Variants in UPF2 observed in about 807,000 individuals in gnomAD.
UPF2 encodes the protein UPF2 regulator of nonsense mediated mRNA decay.
A neutral mutation model predicts 141.4 loss-of-function variants in UPF2; 17 were observed. That is an observed-to-expected ratio of 0.12 (90% CI 0.08 to 0.18). The LOEUF is 0.18. UPF2 is among the 10% of genes least tolerant of loss of function. The pLI, the probability that UPF2 is intolerant of heterozygous loss-of-function variation, is 1.00. For missense variants in UPF2, 1,152 were observed against 1,515.9 expected, an observed-to-expected ratio of 0.76 and a Z score of 3.99; for synonymous variants, 540 against 498.0, an observed-to-expected ratio of 1.08 and a Z score of -1.12.
Position 11,940,206 on chromosome 10 carries a change from G to C in UPF2, c.3378+2459C>G, listed in dbSNP as rs538182389. On this transcript the variant is annotated intron_variant, in intron 18 of 21. Transcript: ENST00000357604. The surrounding 1 kb of genome is among the most constrained non-coding windows in gnomAD (Gnocchi z 4.2). Reference sequence around the variant, plus strand: ...AATGTGAATTCGAACTTCCCTCCTCGATTACATCTTCCCATCCTTCCAGCT... The same window carrying C: ...AATGTGAATTCGAACTTCCCTCCTCCATTACATCTTCCCATCCTTCCAGCT... Among the ~76,000 whole-genome samples the C allele has an allele frequency of 6.6e-6, 1 of 152,110 alleles. No homozygotes were observed.
In UPF2 at chr10:11,964,099, G is replaced by A. The variant is rs1199636349; in HGVS notation, c.2094C>T (p.His698=). The A allele has an allele frequency of 6.2e-7, 1 of 1,613,344 alleles. No homozygotes were observed. Among genetic ancestry groups the A allele is most frequent in the Non-Finnish European group, 8.5e-7 (1 of 1,179,700 alleles). The change falls in exon 11 of 22, where the codon CAC becomes CAT. Residue 698 remains histidine, a synonymous_variant. Transcript: ENST00000357604. ...GCAGGGTGCATGCCATTTCAATATG[G>A]TGATGAGAGAAGTCTGACAGAAGCA... is the stretch of plus-strand genomic sequence containing the variant. ...LKMLLSDFSH[H]HIEMACTLLE...
chr10:11,926,700 A>G (rs1264525534), intron 21 of UPF2, among the ~76,000 whole-genome samples: 1 of 104,146 alleles, frequency 9.6e-6, no homozygotes, highest in African/African-American at 3.3e-5. Flanking sequence ...AGGTGACAGG[A>G]GTCAATAATG....
In UPF2 at chr10:11,959,628, C is replaced by T. The variant is rs1003301811; in HGVS notation, c.2185-272G>A. Among the ~76,000 whole-genome samples, 1 of 151,976 alleles carries T rather than the reference C, an allele frequency of 6.6e-6. No individual in the cohort carries two copies. The highest frequency in any genetic ancestry group is 2.4e-5 in the African/African-American group (1 of 41,378). Reference sequence around the variant, plus strand: ...TACAAAAATTAGCCAGGTGTGGTGGCGCACACCTGTAGTCCCAGCTACTTG... The same window carrying T: ...TACAAAAATTAGCCAGGTGTGGTGGTGCACACCTGTAGTCCCAGCTACTTG... On this transcript the variant is annotated intron_variant, in intron 11 of 21. Coordinates refer to ENST00000357604, the MANE Select transcript of UPF2 (RefSeq NM_015542.4). This position sits in a 1 kb window ranked among gnomAD's most constrained non-coding sequence, Gnocchi z 5.9.
rs531318486 is a variant in UPF2, at chr10:11,928,197, G to A, written c.3809+1668C>T. ...CTAAAAACACAAAAATTATCCAGGCGTGCTGGGTGGGCACCTGTAATACCA... is the reference window on the plus strand; with the variant it reads ...CTAAAAACACAAAAATTATCCAGGCATGCTGGGTGGGCACCTGTAATACCA... On this transcript the variant is annotated intron_variant, in intron 21 of 21. Coordinates refer to ENST00000357604, the MANE Select transcript of UPF2 (RefSeq NM_015542.4). Among the ~76,000 whole-genome samples, 46 of 152,110 alleles carry A rather than the reference G, an allele frequency of 3.0e-4. No homozygotes were observed. In the East Asian group the frequency reaches 7.4e-3, roughly 24 times the overall value.
At chr10:11,976,488 T>C (rs963924594) in intron 9 of UPF2, among the ~76,000 whole-genome samples, 4 of 152,188 alleles carry the variant, frequency 2.6e-5, no homozygotes, top group Admixed American at 6.5e-5. Context: ...TAAATTTACA[T>C]GGGAAATACA....
At position 11,948,496 on chromosome 10, in the gene UPF2, T is replaced by A. The variant is rs1414052921; in HGVS notation, c.3047A>T (p.Asp1016Val). 1.9e-6 allele frequency: 3 copies of A among 1,612,500 alleles called. No homozygotes were observed. Among genetic ancestry groups the A allele is most frequent in the Non-Finnish European group, 2.5e-6 (3 of 1,179,908 alleles). ...EFLIKLGLVN[D>V]KDSKDSMTEG... ...TGTCATAGAATCTTTTGAGTCTTTG[T>A]CATTTACTAGGCCTTGAAATGAGAA... The change falls in exon 16 of 22, where the codon GAC (aspartate) becomes GTC (valine). Residue 1016 changes from aspartate (D) to valine (V), a missense_variant. Physicochemically the swap from Asp to Val is radical, Grantham distance 152 (BLOSUM62 -3). Transcript: ENST00000357604.
At chr10:12,010,549 A>G (rs1319308907) in intron 4 of UPF2, among the ~76,000 whole-genome samples, 1 of 152,230 alleles carries the variant, frequency 6.6e-6, no homozygotes, top group East Asian at 1.9e-4. Flanking sequence ...AAGGCAGGAA[A>G]AAATAACGAA....
intron 8 of UPF2, among the ~76,000 whole-genome samples, chr10:11,981,887 T>C (rs879344620): frequency 2.6e-5 from 4 of 152,334 alleles, no homozygotes; most frequent in Non-Finnish European, 4.4e-5. Context: ...GGTTTCCCCA[T>C]ATTGGCCAGG....
chr10:12,021,649 A>C (rs1834319839), intron 3 of UPF2, among the ~76,000 whole-genome samples: 1 of 152,264 alleles, frequency 6.6e-6, no homozygotes. Flanking sequence ...ATCATTAGCC[A>C]AATTAAAAAG....
chr10:11,970,798 T>C (rs544921263), intron 9 of UPF2, among the ~76,000 whole-genome samples: 3 of 151,750 alleles, frequency 2.0e-5, no homozygotes, highest in African/African-American at 7.3e-5. Context: ...GGCGACAGAG[T>C]GAGACTCTAA....
At chr10:12,010,970 T>G (rs1834116992) in intron 4 of UPF2, among the ~76,000 whole-genome samples, 1 of 152,078 alleles carries the variant, frequency 6.6e-6, no homozygotes, top group African/African-American at 2.4e-5. Flanking sequence ...TGCCCTTAAG[T>G]TCTATGTCTG....
chr10:11,938,865 T>TTTTTG (rs1832894879), intron 18 of UPF2, among the ~76,000 whole-genome samples: 2 of 87,418 alleles, frequency 2.3e-5, no homozygotes, highest in Admixed American at 1.7e-4. Context: ...TTTTTTTTTT[T>TTTTTG]TTTTTTTTTT....
At chr10:12,035,476 C>G in intron 1 of UPF2, 35 bp from the exon 2 acceptor site, 1 of 1,466,498 alleles carries the variant, frequency 6.8e-7, no homozygotes, top group Non-Finnish European at 9.0e-7. Flanking sequence ...ACCATAGATG[C>G]AGTGACTTTT....
chr10:12,020,254 T>C (rs987472642), intron 3 of UPF2, among the ~76,000 whole-genome samples: 3 of 151,996 alleles, frequency 2.0e-5, no homozygotes, highest in Non-Finnish European at 4.4e-5. Flanking sequence ...AATTTTATTT[T>C]TTTTTTAATT....
chr10:11,967,546 G>GTT (rs755905255), intron 9 of UPF2, 92 bp from the exon 10 acceptor site: 12,518 of 239,452 alleles, frequency 0.052, 2 homozygotes, highest in South Asian at 0.094. Flanking sequence ...ATTCACTCCA[G>GTT]TTTTTTTTTT....
chr10:11,999,845 T>C lies in UPF2; in HGVS notation c.1758+61A>G, dbSNP rs563791283. The stretch of plus-strand genomic sequence containing the variant: ...ACAGTCTAAAAACCATAGACATTCC[T>C]TATCAGAGGACTCCTACAAGGTCCA... On this transcript the variant is annotated intron_variant, in intron 7 of 21. Transcript: ENST00000357604. 2.2e-6 allele frequency: 3 copies of C among 1,333,696 alleles called. No individual in the cohort carries two copies. The East Asian group carries it at 6.9e-5, about 31-fold the overall frequency. 82.6% of individuals were successfully genotyped at this position (1,333,696 alleles called of 1,614,324 possible).
intron 9 of UPF2, among the ~76,000 whole-genome samples, chr10:11,978,496 A>AGAGAG (rs1358979903): frequency 6.6e-6 from 1 of 152,192 alleles, no homozygotes; most frequent in Non-Finnish European, 1.5e-5. Flanking sequence ...TTCTAGGGTT[A>AGAGAG]GAGAGGAAGG....
At chr10:12,028,521 T>A (rs895056340) in intron 3 of UPF2, among the ~76,000 whole-genome samples, 137 of 152,282 alleles carry the variant, frequency 9.0e-4, no homozygotes, top group African/African-American at 3.2e-3. Context: ...AAAATCACCA[T>A]CTACTTGGCA....
At chr10:12,023,559 G>A (rs1834355250) in intron 3 of UPF2, among the ~76,000 whole-genome samples, 1 of 151,546 alleles carries the variant, frequency 6.6e-6, no homozygotes, top group South Asian at 2.1e-4. Context: ...GCGTGGTGGT[G>A]CATGCCTGTA....
Sources: gnomAD v4.1 joint callset for allele counts (sites outside exome capture counted in the v4.1 genomes callset) on GRCh38, gnomAD v4.1.1 for gene constraint, Gnocchi (gnomAD v3.1) non-coding constraint, MANE v1.5 for transcripts, NCBI Gene and HGNC (gene_info 2026-07-23, HGNC 2026-07-21) for gene names.